Variants in RARB observed in about 807,000 individuals in gnomAD.
RARB encodes retinoic acid receptor beta, also known as HBV-activated protein.
In RARB, 17 loss-of-function variants were observed where a neutral mutation model predicts 51.9. The observed-to-expected ratio is 0.33, with a 90% confidence interval of 0.22 to 0.49. The LOEUF is 0.49. Ranked by LOEUF, RARB falls within the 20% of genes least tolerant of loss-of-function variation. The probability of loss-of-function intolerance (pLI) is 0.99; values close to 1 mark genes in which losing one functional copy is unlikely to be tolerated. For synonymous variants in RARB, 215 were observed against 195.4 expected (o/e 1.10, Z -0.84); for missense variants, 369 against 550.8 (o/e 0.67, Z 3.30).
intron 5 of RARB, among the ~76,000 whole-genome samples, chr3:25,586,470 A>G (rs1207633602): frequency 6.6e-6 from 1 of 152,190 alleles, no homozygotes; most frequent in Non-Finnish European, 1.5e-5. Context: ...AAATGAATTA[A>G]AAGTCAAAAT....
chr3:24,952,328 A>C (rs1251803199), intron 2 of RARB, among the ~76,000 whole-genome samples: 1 of 152,146 alleles, frequency 6.6e-6, no homozygotes, highest in Non-Finnish European at 1.5e-5. Context: ...ATATTAATTG[A>C]AGGAATTTAC....
At chr3:25,381,060 T>C (rs1022835639) in intron 5 of RARB, among the ~76,000 whole-genome samples, 1 of 152,222 alleles carries the variant, frequency 6.6e-6, no homozygotes, top group Non-Finnish European at 1.5e-5. Context: ...CGTTTTTCTA[T>C]TTGTCAAGTC....
chr3:25,194,012 T>C (rs1499644), intron 5 of RARB, among the ~76,000 whole-genome samples: 133,637 of 151,958 alleles, frequency 0.88, 59,073 homozygotes, highest in East Asian at 0.96. Flanking sequence ...AGCCTAGGTG[T>C]CCATTAACTG....
chr3:24,987,142 A>G (rs1200683098), intron 2 of RARB, among the ~76,000 whole-genome samples: 1 of 152,226 alleles, frequency 6.6e-6, no homozygotes, highest in South Asian at 2.1e-4. Flanking sequence ...TGAGTGGAGT[A>G]TATATTCATA....
At chr3:25,550,668 G>A (rs1316430009) in intron 3 of RARB, among the ~76,000 whole-genome samples, 1 of 152,156 alleles carries the variant, frequency 6.6e-6, no homozygotes, top group African/African-American at 2.4e-5. Flanking sequence ...GTGCAGGTTT[G>A]TTACACCTAG....
chr3:25,182,992 C>G (rs145016710), intron 5 of RARB, among the ~76,000 whole-genome samples: 1 of 152,208 alleles, frequency 6.6e-6, no homozygotes, highest in Non-Finnish European at 1.5e-5. Context: ...AACATTCCCC[C>G]CACAGCTCTT....
At chr3:25,302,728 AT>A (rs1392672482) in intron 5 of RARB, among the ~76,000 whole-genome samples, 1 of 152,240 alleles carries the variant, frequency 6.6e-6, no homozygotes, top group Non-Finnish European at 1.5e-5. Flanking sequence ...ACCAAGTTGT[AT>A]ACTATGAAAG....
At chr3:25,107,501 C>A (rs1490108273) in intron 3 of RARB, among the ~76,000 whole-genome samples, 1 of 152,032 alleles carries the variant, frequency 6.6e-6, no homozygotes, top group Non-Finnish European at 1.5e-5. Flanking sequence ...AAAATTCATG[C>A]ATATATTAAA....
chr3:24,900,502 T>C (rs1462466880), intron 2 of RARB, among the ~76,000 whole-genome samples: 1 of 152,200 alleles, frequency 6.6e-6, no homozygotes, highest in South Asian at 2.1e-4. Flanking sequence ...AAAGAATAAT[T>C]GTCTGTCAAG....
At chr3:25,279,232 T>G (rs1330716973) in intron 5 of RARB, among the ~76,000 whole-genome samples, 1 of 152,174 alleles carries the variant, frequency 6.6e-6, no homozygotes, top group Non-Finnish European at 1.5e-5. Context: ...AACTTGGATC[T>G]TCTGCCTTCA....
chr3:25,097,191 A>G (rs1699311642), intron 3 of RARB, among the ~76,000 whole-genome samples: 2 of 152,140 alleles, frequency 1.3e-5, no homozygotes, highest in South Asian at 2.1e-4. Context: ...ACTGAAACTA[A>G]ACAATACACG....
intron 5 of RARB, among the ~76,000 whole-genome samples, chr3:25,378,911 A>G (rs542156993): frequency 6.6e-6 from 1 of 152,254 alleles, no homozygotes. Context: ...ATCAGACAAA[A>G]GGGATCAATG....
At chr3:25,242,899 A>C (rs1363810984) in intron 5 of RARB, among the ~76,000 whole-genome samples, 1 of 152,212 alleles carries the variant, frequency 6.6e-6, no homozygotes, top group Non-Finnish European at 1.5e-5. Context: ...TACTTTGGGC[A>C]GTATGGCCAT....
chr3:25,494,253 G>GCACGCGCGCGCGCGCGCGCACACACACA (rs1553623182), intron 2 of RARB, among the ~76,000 whole-genome samples: 149 of 131,938 alleles, frequency 1.1e-3, no homozygotes, highest in African/African-American at 3.8e-3. Flanking sequence ...TGTATCTTAC[G>GCACGCGCGCGCGCGCGCGCACACACACA]CACACACACA....
At chr3:24,948,103 C>T (rs1695813027) in intron 2 of RARB, among the ~76,000 whole-genome samples, 2 of 152,122 alleles carry the variant, frequency 1.3e-5, no homozygotes, top group Admixed American at 1.3e-4. Flanking sequence ...ATTTCTCAGG[C>T]CAGGGGGCCT....
chr3:25,439,516 C>T (rs1708572547), intron 1 of RARB, among the ~76,000 whole-genome samples: 1 of 152,130 alleles, frequency 6.6e-6, no homozygotes, highest in Non-Finnish European at 1.5e-5. Flanking sequence ...AGCAATCCTC[C>T]CGCCTCAGCC....
At chr3:25,083,228 T>A (rs910390900) in intron 3 of RARB, among the ~76,000 whole-genome samples, 1 of 152,138 alleles carries the variant, frequency 6.6e-6, no homozygotes, top group Non-Finnish European at 1.5e-5. Context: ...TACTGATTAT[T>A]TTTTGCTCAA....
intron 5 of RARB, among the ~76,000 whole-genome samples, chr3:25,269,996 G>A (rs1002082701): frequency 3.9e-5 from 6 of 152,040 alleles, no homozygotes; most frequent in Non-Finnish European, 7.4e-5. Context: ...TTATTTGGGG[G>A]GCAAAAAGAA....
At chr3:24,933,510 G>C (rs543819700) in intron 2 of RARB, among the ~76,000 whole-genome samples, 131 of 152,140 alleles carry the variant, frequency 8.6e-4, no homozygotes, top group Non-Finnish European at 1.6e-3. Context: ...TCGCCCTTCA[G>C]AGTTTTGCTT....
Sources: gnomAD v4.1 joint callset for allele counts (sites outside exome capture counted in the v4.1 genomes callset) on GRCh38, gnomAD v4.1.1 for gene constraint, MANE v1.5 for transcripts, NCBI Gene and HGNC (gene_info 2026-07-23, HGNC 2026-07-21) for gene names.